PTGIR: variants seen among roughly 807,000 people sequenced by gnomAD.
The protein encoded by PTGIR is prostaglandin I2 receptor.
In PTGIR, 16 loss-of-function variants were observed where a neutral mutation model predicts 17.6. The ratio of observed to expected loss-of-function variants is 0.91; its 90% CI spans 0.61 to 1.38. The LOEUF (loss-of-function observed/expected upper bound fraction) is 1.38, where lower values mean the gene tolerates loss of function less well. Ranked by LOEUF, PTGIR falls within the 40% of genes most tolerant of loss-of-function variation. The pLI, the probability that PTGIR is intolerant of heterozygous loss-of-function variation, is 0.00. For missense variants in PTGIR, 532 were observed against 548.6 expected, an observed-to-expected ratio of 0.97 and a Z score of 0.30; for synonymous variants, 274 against 255.4, an observed-to-expected ratio of 1.07 and a Z score of -0.69.
At chr19:46,617,678 G>A (rs1298178731), downstream of PTGIR, among the ~76,000 whole-genome samples, 1 of 152,142 alleles carries the variant, frequency 6.6e-6, no homozygotes. Flanking sequence ...GACACAGAGA[G>A]AGGAGGTGAG....
downstream of PTGIR, among the ~76,000 whole-genome samples, chr19:46,619,879 T>C (rs1972034403): frequency 6.6e-6 from 1 of 151,886 alleles, no homozygotes; most frequent in Non-Finnish European, 1.5e-5. Context: ...TGGGGGGAGT[T>C]CCCACTCACC....
chr19:46,615,569 G>A (rs1369194313), downstream of PTGIR, among the ~76,000 whole-genome samples: 2 of 152,082 alleles, frequency 1.3e-5, no homozygotes, highest in African/African-American at 4.8e-5. Flanking sequence ...GCAGTAGTGT[G>A]ATCTTGGCTC....
intron 2 of PTGIR, chr19:46,622,352 T>C (rs2052739310): frequency 5.1e-6 from 5 of 984,254 alleles, no homozygotes; most frequent in African/African-American, 1.8e-5. Context: ...CCTGGCTCTG[T>C]GTGACTGGGC....
At chr19:46,618,505 C>T (rs981259345), downstream of PTGIR, among the ~76,000 whole-genome samples, 7 of 151,798 alleles carry the variant, frequency 4.6e-5, no homozygotes, top group Admixed American at 4.6e-4. Flanking sequence ...TGATATGTTG[C>T]CCAGGCTGGT....
downstream of PTGIR, chr19:46,620,350 C>G (rs558026412): frequency 4.6e-6 from 4 of 864,160 alleles, no homozygotes; most frequent in Non-Finnish European, 5.6e-6. Flanking sequence ...GATCCTCCCA[C>G]CTGAACCTCC....
At chr19:46,617,487 G>A (rs1971979157), downstream of PTGIR, among the ~76,000 whole-genome samples, 1 of 152,190 alleles carries the variant, frequency 6.6e-6, no homozygotes, top group Non-Finnish European at 1.5e-5. Flanking sequence ...GGGGGAGTAA[G>A]AGCCCACAGA....
chr19:46,622,996 T>C (rs1168851892), intron 2 of PTGIR: 1 of 151,002 alleles, frequency 6.6e-6, no homozygotes, highest in Non-Finnish European at 1.5e-5. Flanking sequence ...TTTTTTTTTT[T>C]TTTGGGACGG....
chr19:46,610,690 TG>T, the PTGIR span: 13 of 152,600 alleles, frequency 8.5e-5, no homozygotes, highest in African/African-American at 3.1e-4. Context: ...GTTTTGGTTT[TG>T]TTTTTTTTAA....
At chr19:46,619,362 G>A (rs1972005931), downstream of PTGIR, among the ~76,000 whole-genome samples, 1 of 151,802 alleles carries the variant, frequency 6.6e-6, no homozygotes, top group South Asian at 2.1e-4. Context: ...AGAGGTGGTG[G>A]TGCACGCCTG....
At chr19:46,613,787 G>C in the PTGIR span, among the ~76,000 whole-genome samples, 1 of 152,166 alleles carries the variant, frequency 6.6e-6, no homozygotes, top group African/African-American at 2.4e-5. Context: ...AGGCCGGGCA[G>C]GTGAAGCCTC....
downstream of PTGIR, among the ~76,000 whole-genome samples, chr19:46,617,691 C>T (rs1228280227): frequency 6.6e-6 from 1 of 152,124 alleles, no homozygotes; most frequent in Non-Finnish European, 1.5e-5. Flanking sequence ...GAGGTGAGCA[C>T]CCTTCAATGC....
At chr19:46,610,823 C>G in the PTGIR span, 2 of 152,782 alleles carry the variant, frequency 1.3e-5, no homozygotes, top group Admixed American at 6.6e-5. Context: ...GGCCTGCCCC[C>G]CTCCAACACA....
intron 1 of PTGIR, 61 bp from the exon 2 acceptor site, chr19:46,624,298 A>T: frequency 2.2e-6 from 3 of 1,383,980 alleles, no homozygotes; most frequent in Non-Finnish European, 2.8e-6. Context: ...CACCCAGCCC[A>T]CTCAGATGTC....
chr19:46,615,276 T>C, the PTGIR span, among the ~76,000 whole-genome samples: 6 of 152,196 alleles, frequency 3.9e-5, no homozygotes, highest in African/African-American at 1.4e-4. Flanking sequence ...GAATTAGGTG[T>C]TATAGGTAAT....
chr19:46,623,912 G>A lies in PTGIR; in HGVS notation c.314C>T (p.Ala105Val), dbSNP rs200299980. ...FAFAMTFFGL[A>V]SMLILFAMAV... ...CATGGCAAAGAGGATGAGCATGGAC[G>A]CCAGGCCGAAGAAGGTCATGGCGAA... Residue 105 changes from alanine to valine, a missense_variant, in exon 2 of 3, where the codon GCG (alanine) becomes GTG (valine). Coordinates refer to ENST00000291294, the MANE Select transcript of PTGIR (RefSeq NM_000960.4). 2.5e-5 allele frequency: 40 copies of A among 1,606,500 alleles called. No homozygotes were observed. In the Admixed American group the frequency reaches 5.6e-4, roughly 22 times the overall value.
downstream of PTGIR, among the ~76,000 whole-genome samples, chr19:46,619,563 G>A (rs550648002): frequency 5.5e-3 from 608 of 109,788 alleles, 7 homozygotes; most frequent in East Asian, 0.044. Context: ...GAGAGAGAGA[G>A]AGAGAGAGAG....
At chr19:46,623,217 G>A (rs971701240) in intron 2 of PTGIR, 9 of 414,542 alleles carry the variant, frequency 2.2e-5, no homozygotes, top group Non-Finnish European at 3.8e-5. Flanking sequence ...GACTGGTCTC[G>A]AACTCCTGAC....
Position 46,624,168 on chromosome 19 carries a change from TG to T in PTGIR, c.57del (p.Ser20AlafsTer3). On this transcript the variant is annotated frameshift_variant, in exon 2 of 3. Transcript: ENST00000291294. LOFTEE classifies it high-confidence loss of function. The stretch of plus-strand genomic sequence containing the variant: ...ACACCGGCCACGAACATCAGGGTGC[TG>T]GTGGCCGGCCCCACCGAGCCCCGCA... ...TYVRGSVGPATSTLMFVAGVV... is the reference protein window; with the variant it reads ...TYVRGSVGPAXSTLMFVAGVV... The T allele has an allele frequency of 6.7e-7, 1 of 1,502,350 alleles. No homozygotes were observed. The highest frequency in any genetic ancestry group is 1.3e-5 in the South Asian group (1 of 79,016). 93.1% of individuals were successfully genotyped at this position (1,502,350 alleles called of 1,614,324 possible). A position where few individuals can be genotyped will look rare whatever the true frequency, so the allele number is the denominator to read the frequency against.
intron 2 of PTGIR, chr19:46,622,098 A>G: frequency 3.0e-6 from 3 of 985,436 alleles, no homozygotes; most frequent in Non-Finnish European, 3.6e-6. Context: ...AGGACCCCCC[A>G]ATCCGGCCTG....
Sources: allele counts gnomAD v4.1 joint callset (sites outside exome capture counted in the v4.1 genomes callset), GRCh38; gene constraint gnomAD v4.1.1; transcripts MANE v1.5; gene names NCBI Gene and HGNC (gene_info 2026-07-23, HGNC 2026-07-21).